APAF1: variants seen among roughly 807,000 people sequenced by gnomAD.
APAF1 encodes the protein apoptotic peptidase activating factor 1, also known as apoptotic protease-activating factor 1.
APAF1 carries 91 observed loss-of-function variants against 152.4 expected under a neutral mutation model. The observed-to-expected ratio is 0.60, with a 90% CI of 0.50 to 0.71. The LOEUF (loss-of-function observed/expected upper bound fraction) is 0.71. Among genes scored for constraint, APAF1 ranks in the 30% least tolerant of loss-of-function variants. The pLI is 0.00. For missense variants in APAF1, 1,283 were observed against 1,472.0 expected (o/e 0.87, Z 2.10); for synonymous variants, 484 against 494.1 (o/e 0.98, Z 0.27).
chr12:98,665,736 A>G lies in APAF1; in HGVS notation c.1139A>G (p.Lys380Arg). ...ISVEMLREDIKDYYTDLSILQ... is the reference protein window; with the variant it reads ...ISVEMLREDIRDYYTDLSILQ... ...GTTGAAATGCTCAGAGAAGACATCAAAGATTATTACACAGATCTTTCCATC... is the reference window on the plus strand; with the variant it reads ...GTTGAAATGCTCAGAGAAGACATCAGAGATTATTACACAGATCTTTCCATC... The change falls in exon 8 of 27, where the codon AAA becomes AGA. Residue 380 changes from lysine to arginine, a missense_variant. Physicochemically the swap from Lys to Arg is conservative, Grantham distance 26. Coordinates refer to ENST00000551964, the MANE Select transcript of APAF1 (RefSeq NM_181861.2). The G allele has an allele frequency of 6.2e-7, 1 of 1,614,156 alleles. No individual in the cohort carries two copies. The highest frequency in any genetic ancestry group is 8.5e-7 in the Non-Finnish European group (1 of 1,180,010).
At chr12:98,699,642 C>T in intron 17 of APAF1, 73 bp downstream of exon 17, 2 of 1,533,068 alleles carry the variant, frequency 1.3e-6, no homozygotes, top group Admixed American at 1.7e-5. Flanking sequence ...TTGCATTTTA[C>T]AATGTTTATT....
chr12:98,661,738 G>A (rs941304681), intron 5 of APAF1, among the ~76,000 whole-genome samples: 4 of 151,932 alleles, frequency 2.6e-5, no homozygotes, highest in East Asian at 1.9e-4. Flanking sequence ...CAAAGTGCTG[G>A]GATTACAGGC....
At chr12:98,713,514 GA>G (rs2097730487) in intron 21 of APAF1, among the ~76,000 whole-genome samples, 1 of 152,178 alleles carries the variant, frequency 6.6e-6, no homozygotes, top group African/African-American at 2.4e-5. Flanking sequence ...TTCACCACCT[GA>G]AATCCTTAAT....
chr12:98,718,998 C>T (rs552692684), intron 22 of APAF1, among the ~76,000 whole-genome samples: 17 of 152,254 alleles, frequency 1.1e-4, no homozygotes, highest in African/African-American at 3.6e-4. Context: ...TCAGTTATTT[C>T]GACCTTCTCT....
rs548460401 is a variant in APAF1, at chr12:98,665,496, CTTA to C, written c.956-53_956-51del. On this transcript the variant is annotated intron_variant, in intron 7 of 26. Transcript: ENST00000551964. ...AGTAATGTAAGTAAGTAAGTCGATT[CTTA>C]TTAGTGACAAAATAGGATGGTATTA... 213 of 1,186,532 alleles carry C rather than the reference CTTA, an allele frequency of 1.8e-4. 1 individual carries two copies. In the East Asian group the frequency reaches 4.2e-3, roughly 24 times the overall value. 73.5% of individuals were successfully genotyped at this position (1,186,532 alleles called of 1,614,324 possible).
At chr12:98,713,960 T>C (rs2097731043) in intron 21 of APAF1, among the ~76,000 whole-genome samples, 1 of 152,224 alleles carries the variant, frequency 6.6e-6, no homozygotes, top group Non-Finnish European at 1.5e-5. Context: ...TTCTCTTTAT[T>C]ATTGTGAAAA....
At chr12:98,675,511 A>T (rs1430033394) in intron 12 of APAF1, among the ~76,000 whole-genome samples, 1 of 152,236 alleles carries the variant, frequency 6.6e-6, no homozygotes, top group African/African-American at 2.4e-5. Flanking sequence ...TGAAAATATT[A>T]GAAAAGAAGT....
chr12:98,709,521 T>C (rs1187074021), intron 20 of APAF1, among the ~76,000 whole-genome samples: 4 of 152,112 alleles, frequency 2.6e-5, no homozygotes, highest in Non-Finnish European at 4.4e-5. Flanking sequence ...CTAAATAAGG[T>C]GTCGTTGCAT....
intron 14 of APAF1, among the ~76,000 whole-genome samples, chr12:98,681,996 T>C (rs897279686): frequency 1.3e-5 from 2 of 152,064 alleles, no homozygotes; most frequent in Non-Finnish European, 2.9e-5. Flanking sequence ...TGTTGTTATA[T>C]GGCATAGACT....
chr12:98,718,017 T>C (rs1358741677), intron 22 of APAF1, among the ~76,000 whole-genome samples: 3 of 152,182 alleles, frequency 2.0e-5, no homozygotes, highest in Admixed American at 2.0e-4. Context: ...TTGGGGAAGA[T>C]AACAGGAAGT....
In APAF1 at chr12:98,649,479, G is replaced by A; in HGVS notation, c.329-8G>A. On this transcript the variant is annotated splice_polypyrimidine_tract_variant and splice_region_variant and intron_variant, in intron 3 of 26. Transcript: ENST00000551964. ...ATTCATTCATGCTTGTTTTGTTTTGGATTTTAGTAAGGACAGTCCTGTGTG... is the reference window on the plus strand; with the variant it reads ...ATTCATTCATGCTTGTTTTGTTTTGAATTTTAGTAAGGACAGTCCTGTGTG... The A allele has an allele frequency of 6.2e-7, 1 of 1,613,940 alleles. No individual in the cohort carries two copies. The highest frequency in any genetic ancestry group is 8.5e-7 in the Non-Finnish European group (1 of 1,179,838).
chr12:98,652,269 A>G (rs1304770236), intron 4 of APAF1, among the ~76,000 whole-genome samples: 2 of 152,212 alleles, frequency 1.3e-5, no homozygotes, highest in Non-Finnish European at 2.9e-5. Context: ...ACTAAATGAT[A>G]GGATATACAA....
chr12:98,672,498 A>C (rs1348459972), intron 12 of APAF1, among the ~76,000 whole-genome samples: 1 of 151,316 alleles, frequency 6.6e-6, no homozygotes, highest in African/African-American at 2.4e-5. Context: ...AATGGCTGTA[A>C]AGTAATTTGC....
At chr12:98,671,916 A>C (rs1346785802) in intron 12 of APAF1, among the ~76,000 whole-genome samples, 197 bp downstream of exon 12, 1 of 152,258 alleles carries the variant, frequency 6.6e-6, no homozygotes, top group Non-Finnish European at 1.5e-5. Flanking sequence ...AAGAATCCAT[A>C]TAAATAGATG....
chr12:98,668,081 G>T (rs2097675653), intron 10 of APAF1, among the ~76,000 whole-genome samples: 1 of 152,134 alleles, frequency 6.6e-6, no homozygotes, highest in Non-Finnish European at 1.5e-5. Flanking sequence ...ACCGCGGCTG[G>T]CTGAAGATTT....
At chr12:98,682,383 C>G (rs1593061813) in intron 14 of APAF1, among the ~76,000 whole-genome samples, 1 of 152,120 alleles carries the variant, frequency 6.6e-6, no homozygotes, top group East Asian at 1.9e-4. Context: ...AAACTGAACA[C>G]TATAAGAGGC....
At chr12:98,648,173 C>A in intron 1 of APAF1, 146 bp from the exon 2 acceptor site, 1 of 682,020 alleles carries the variant, frequency 1.5e-6, no homozygotes, top group Non-Finnish European at 2.5e-6. Context: ...CATACCTTTC[C>A]AAGCACTGGG....
intron 4 of APAF1, among the ~76,000 whole-genome samples, chr12:98,652,909 G>A (rs1377957796): frequency 6.6e-6 from 1 of 152,186 alleles, no homozygotes; most frequent in South Asian, 2.1e-4. Context: ...ACAGGCGTGA[G>A]CCACTGTGCT....
chr12:98,667,177 A>G (rs963130131), intron 9 of APAF1, among the ~76,000 whole-genome samples: 2 of 151,632 alleles, frequency 1.3e-5, no homozygotes, highest in South Asian at 2.1e-4. Context: ...GCTCACTGCA[A>G]TCTTAAACTC....
Sources: allele counts gnomAD v4.1 joint callset (sites outside exome capture counted in the v4.1 genomes callset), GRCh38; gene constraint gnomAD v4.1.1; transcripts MANE v1.5; gene names NCBI Gene and HGNC (gene_info 2026-07-23, HGNC 2026-07-21).